The following C1QTNF3 variants were observed in gnomAD, a reference collection of about 807,000 sequenced individuals.
The protein encoded by C1QTNF3 is complement C1q tumor necrosis factor-related protein 3.
C1QTNF3 carries 26 observed loss-of-function variants against 32.6 expected under a neutral mutation model. The ratio of observed to expected loss-of-function variants is 0.80; its 90% CI spans 0.58 to 1.11. The LOEUF (loss-of-function observed/expected upper bound fraction) is 1.11, where lower values mean the gene tolerates loss of function less well. Ranked by LOEUF, C1QTNF3 falls within the 50% of genes least tolerant of loss-of-function variation. C1QTNF3 has a pLI of 0.00. For synonymous variants in C1QTNF3, 155 were observed against 146.0 expected, an observed-to-expected ratio of 1.06 and a Z score of -0.44; for missense variants, 362 against 398.2, an observed-to-expected ratio of 0.91 and a Z score of 0.77.
At chr5:34,122,414 G>A in the C1QTNF3 span, among the ~76,000 whole-genome samples, 7 of 152,088 alleles carry the variant, frequency 4.6e-5, no homozygotes, top group Non-Finnish European at 1.0e-4. Flanking sequence ...ATGGAGAAAA[G>A]GTCACTCTCT....
upstream of C1QTNF3, among the ~76,000 whole-genome samples, chr5:34,044,975 G>T (rs1311160634): frequency 6.6e-6 from 1 of 152,200 alleles, no homozygotes; most frequent in African/African-American, 2.4e-5. Context: ...GATGGCGCCT[G>T]TGTTTGGAGG....
chr5:34,049,983 A>C, the C1QTNF3 span, among the ~76,000 whole-genome samples: 6 of 152,244 alleles, frequency 3.9e-5, no homozygotes, highest in Admixed American at 2.0e-4. Context: ...AGGGAACCAC[A>C]AGATAGCCAA....
chr5:34,175,243 C>T, the C1QTNF3 span, among the ~76,000 whole-genome samples: 1 of 151,676 alleles, frequency 6.6e-6, no homozygotes, highest in African/African-American at 2.4e-5. Flanking sequence ...GGGGGTCCTC[C>T]TATGCTGAAC....
chr5:34,063,038 G>T, the C1QTNF3 span, among the ~76,000 whole-genome samples: 1 of 152,066 alleles, frequency 6.6e-6, no homozygotes, highest in African/African-American at 2.4e-5. Context: ...GAAGGCTACG[G>T]GTTGTCGGTG....
chr5:34,052,159 TA>T, the C1QTNF3 span, among the ~76,000 whole-genome samples: 1 of 152,146 alleles, frequency 6.6e-6, no homozygotes, highest in East Asian at 1.9e-4. Context: ...TACTCCAAGT[TA>T]TTACTAAACT....
chr5:34,155,796 T>C, the C1QTNF3 span, among the ~76,000 whole-genome samples: 1 of 137,334 alleles, frequency 7.3e-6, no homozygotes, highest in Non-Finnish European at 1.6e-5. Flanking sequence ...TATGGTACAG[T>C]ATGCCAATAT....
chr5:34,140,933 A>T, the C1QTNF3 span, among the ~76,000 whole-genome samples: 1 of 152,116 alleles, frequency 6.6e-6, no homozygotes, highest in Non-Finnish European at 1.5e-5. Flanking sequence ...TAAATTCCTG[A>T]CCTCCATAAA....
chr5:34,221,235 A>T, the C1QTNF3 span, among the ~76,000 whole-genome samples: 1 of 152,102 alleles, frequency 6.6e-6, no homozygotes, highest in Admixed American at 6.6e-5. Context: ...GTCATTTCCT[A>T]TATTTATCTA....
At chr5:34,112,733 T>G in the C1QTNF3 span, among the ~76,000 whole-genome samples, 1 of 152,164 alleles carries the variant, frequency 6.6e-6, no homozygotes, top group Non-Finnish European at 1.5e-5. Context: ...ATACAAAAGA[T>G]CCTTTCCGCT....
chr5:34,226,076 C>T, the C1QTNF3 span, among the ~76,000 whole-genome samples: 2 of 151,850 alleles, frequency 1.3e-5, no homozygotes, highest in African/African-American at 2.4e-5. Context: ...TCTTTCTTGT[C>T]CCCTTGAACC....
chr5:34,189,138 C>A, the C1QTNF3 span, among the ~76,000 whole-genome samples: 1 of 150,894 alleles, frequency 6.6e-6, no homozygotes, highest in African/African-American at 2.4e-5. Flanking sequence ...CTCCTGATCT[C>A]GTGATCCGTC....
At chr5:34,134,193 A>C in the C1QTNF3 span, among the ~76,000 whole-genome samples, 1 of 152,184 alleles carries the variant, frequency 6.6e-6, no homozygotes, top group South Asian at 2.1e-4. Context: ...CTAGAGAGTT[A>C]TTACAATTAA....
the C1QTNF3 span, among the ~76,000 whole-genome samples, chr5:34,067,199 T>C: frequency 1.7e-4 from 26 of 152,334 alleles, no homozygotes; most frequent in African/African-American, 6.0e-4. Context: ...TCAACAAGTC[T>C]CTAGGGAGTT....
chr5:34,220,889 G>C, the C1QTNF3 span, among the ~76,000 whole-genome samples: 1 of 151,976 alleles, frequency 6.6e-6, no homozygotes, highest in African/African-American at 2.4e-5. Flanking sequence ...TCTCAGGTGG[G>C]TCAAAATGGC....
chr5:34,205,380 T>C, the C1QTNF3 span, among the ~76,000 whole-genome samples: 2 of 152,192 alleles, frequency 1.3e-5, no homozygotes, highest in African/African-American at 2.4e-5. Flanking sequence ...TCTTGTCCAA[T>C]TGTAATCGCC....
chr5:34,167,916 G>A, the C1QTNF3 span: 1 of 151,956 alleles, frequency 6.6e-6, no homozygotes, highest in Non-Finnish European at 1.5e-5. Flanking sequence ...TTTGCTATGT[G>A]GATGGGGGAG....
the C1QTNF3 span, among the ~76,000 whole-genome samples, chr5:34,154,021 A>G: frequency 8.6e-6 from 1 of 115,828 alleles, no homozygotes; most frequent in South Asian, 2.9e-4. Context: ...TACTTTATTA[A>G]ACCTGCAAAA....
the C1QTNF3 span, among the ~76,000 whole-genome samples, chr5:34,156,740 A>G: frequency 3.3e-5 from 5 of 152,202 alleles, no homozygotes; most frequent in Non-Finnish European, 7.3e-5. Flanking sequence ...CCCAAACAAA[A>G]GCAAAACATT....
chr5:34,140,595 T>C, the C1QTNF3 span, among the ~76,000 whole-genome samples: 1 of 152,254 alleles, frequency 6.6e-6, no homozygotes, highest in Non-Finnish European at 1.5e-5. Flanking sequence ...TTGTGAACAC[T>C]TGTTAGGATG....
Sources: gnomAD v4.1 joint callset for allele counts (sites outside exome capture counted in the v4.1 genomes callset) on GRCh38, gnomAD v4.1.1 for gene constraint, MANE v1.5 for transcripts, NCBI Gene and HGNC (gene_info 2026-07-23, HGNC 2026-07-21) for gene names.